THSD7A: variants seen among roughly 807,000 people sequenced by gnomAD.
THSD7A encodes thrombospondin type 1 domain containing 7A, also known as thrombospondin type-1 domain-containing protein 7A.
THSD7A carries 96 observed loss-of-function variants against 231.3 expected under a neutral mutation model. The ratio of observed to expected loss-of-function variants is 0.41; its 90% confidence interval spans 0.35 to 0.49. THSD7A has a LOEUF of 0.49. THSD7A is among the 20% of genes least tolerant of loss of function. The pLI, the probability that THSD7A is intolerant of heterozygous loss-of-function variation, is 0.05. For synonymous variants in THSD7A, 940 were observed against 743.3 expected (o/e 1.26, Z -4.30); for missense variants, 2,290 against 2,070.2 (o/e 1.11, Z -2.06).
At chr7:11,744,082 T>C (rs907176075) in intron 1 of THSD7A, among the ~76,000 whole-genome samples, 21 of 151,886 alleles carry the variant, frequency 1.4e-4, no homozygotes, top group African/African-American at 5.1e-4. Flanking sequence ...TGCCCTGATT[T>C]TTAAGGAACC....
At chr7:11,611,496 T>A (rs1780919655) in intron 2 of THSD7A, among the ~76,000 whole-genome samples, 1 of 151,918 alleles carries the variant, frequency 6.6e-6, no homozygotes, top group Admixed American at 6.6e-5. Context: ...ATTAAATGTT[T>A]ACAAAGTAAT....
At chr7:11,482,876 T>C (rs1288398698) in intron 6 of THSD7A, among the ~76,000 whole-genome samples, 1 of 152,204 alleles carries the variant, frequency 6.6e-6, no homozygotes, top group Non-Finnish European at 1.5e-5. Flanking sequence ...AACAAAACAT[T>C]GTTGCTGTTA....
At chr7:11,749,846 C>T (rs78878632) in intron 1 of THSD7A, among the ~76,000 whole-genome samples, 2 of 152,078 alleles carry the variant, frequency 1.3e-5, no homozygotes, top group East Asian at 3.9e-4. Context: ...CTAGGTGAGA[C>T]AAAATACTCT....
At chr7:11,543,988 C>T (rs997670369) in intron 4 of THSD7A, among the ~76,000 whole-genome samples, 3 of 152,076 alleles carry the variant, frequency 2.0e-5, no homozygotes, top group Admixed American at 6.5e-5. Flanking sequence ...ATCTGTCTAT[C>T]TATCTATATA....
intron 6 of THSD7A, among the ~76,000 whole-genome samples, chr7:11,509,821 C>CAAAAAAAAAAAATAAA (rs1554326843): frequency 2.5e-5 from 1 of 39,974 alleles, no homozygotes; most frequent in African/African-American, 7.2e-5. Context: ...GAGTCCGTCT[C>CAAAAAAAAAAAATAAA]AAAAAAAAAA....
intron 2 of THSD7A, among the ~76,000 whole-genome samples, chr7:11,630,924 C>T (rs918260408): frequency 6.6e-6 from 1 of 152,200 alleles, no homozygotes; most frequent in Non-Finnish European, 1.5e-5. Context: ...ACAGGCTATG[C>T]TTGTTGCAGT....
chr7:11,653,652 C>T (rs1782598221), intron 1 of THSD7A, among the ~76,000 whole-genome samples: 1 of 151,794 alleles, frequency 6.6e-6, no homozygotes, highest in South Asian at 2.1e-4. Flanking sequence ...TGTGTCATTG[C>T]ACCTAGCTTC....
intron 6 of THSD7A, among the ~76,000 whole-genome samples, chr7:11,522,860 C>T (rs1271271715): frequency 6.6e-6 from 1 of 152,036 alleles, no homozygotes. Flanking sequence ...TAAAAATCAA[C>T]AGGTACATAT....
At chr7:11,649,030 T>C (rs1437869110) in intron 1 of THSD7A, among the ~76,000 whole-genome samples, 2 of 152,052 alleles carry the variant, frequency 1.3e-5, no homozygotes, top group Non-Finnish European at 2.9e-5. Flanking sequence ...TGATATTGCA[T>C]GGAGATGACC....
At chr7:11,426,058 T>TAA (rs11342645) in intron 15 of THSD7A, among the ~76,000 whole-genome samples, 6 of 135,844 alleles carry the variant, frequency 4.4e-5, no homozygotes, top group Admixed American at 3.7e-4. Context: ...TAGAGTATAA[T>TAA]AAAAAAAAAA....
In THSD7A at chr7:11,700,304, C is replaced by T. The variant is rs1042197122; in HGVS notation, c.191-63343G>A. 4.0e-5 allele frequency among the ~76,000 whole-genome samples: 6 copies of T among 151,196 alleles called. No individual in the cohort carries two copies. In the East Asian group the frequency reaches 7.9e-4, roughly 20 times the overall value. On this transcript the variant is annotated intron_variant, in intron 1 of 27. Coordinates refer to ENST00000423059, the MANE Select transcript of THSD7A (RefSeq NM_015204.3). The stretch of plus-strand genomic sequence containing the variant: ...ACACTTTTACTCTACAATAATAGTA[C>T]AATAACGTAGTTAAGGGCACTCATC...
chr7:11,691,946 A>AATCAC lies in THSD7A; in HGVS notation c.191-54990_191-54986dup, dbSNP rs1780245542. ...TAATAATTCAAAAATAACATTTAAA[A>AATCAC]ATCACATCCTATCTGTTAGTAAGCA... On this transcript the variant is annotated intron_variant, in intron 1 of 27. Coordinates refer to ENST00000423059, the MANE Select transcript of THSD7A (RefSeq NM_015204.3). Among the ~76,000 whole-genome samples the AATCAC allele has an allele frequency of 2.0e-5, 3 of 151,596 alleles. No individual in the cohort carries two copies. The South Asian group carries it at 6.2e-4, about 31-fold the overall frequency.
chr7:11,805,413 A>G (rs1784374614), intron 1 of THSD7A, among the ~76,000 whole-genome samples: 1 of 151,212 alleles, frequency 6.6e-6, no homozygotes, highest in Admixed American at 6.6e-5. Flanking sequence ...TAATGTTCTC[A>G]GACAAAAACT....
At chr7:11,430,072 T>C (rs2115427403) in intron 13 of THSD7A, among the ~76,000 whole-genome samples, 1 of 152,318 alleles carries the variant, frequency 6.6e-6, no homozygotes. Context: ...ATAGTCTGAA[T>C]GTGGAGAGAA....
At chr7:11,645,714 T>C (rs975562642) in intron 1 of THSD7A, among the ~76,000 whole-genome samples, 4 of 151,962 alleles carry the variant, frequency 2.6e-5, no homozygotes, top group Non-Finnish European at 2.9e-5. Flanking sequence ...TATTGCTATG[T>C]TTTATTTCAT....
At chr7:11,821,260 G>A (rs1416629671) in intron 1 of THSD7A, 5 of 1,105,180 alleles carry the variant, frequency 4.5e-6, no homozygotes, top group African/African-American at 1.5e-5. Context: ...CTGAGACTGA[G>A]CTGACTGTAT....
intron 1 of THSD7A, among the ~76,000 whole-genome samples, chr7:11,761,881 G>C (rs1782874483): frequency 6.6e-6 from 1 of 151,986 alleles, no homozygotes; most frequent in African/African-American, 2.4e-5. Context: ...CCAATAAGTA[G>C]TCTCTTCAAC....
At chr7:11,392,262 G>C (rs988433067) in intron 23 of THSD7A, among the ~76,000 whole-genome samples, 1 of 151,994 alleles carries the variant, frequency 6.6e-6, no homozygotes, top group African/African-American at 2.4e-5. Flanking sequence ...AAGCAGGGTG[G>C]GGTGTTGCCT....
At chr7:11,741,482 G>A (rs908357725) in intron 1 of THSD7A, among the ~76,000 whole-genome samples, 7 of 151,800 alleles carry the variant, frequency 4.6e-5, no homozygotes, top group Admixed American at 4.6e-4. Context: ...TATATGCACT[G>A]AAAAAATAAG....
Sources: allele counts gnomAD v4.1 joint callset (sites outside exome capture counted in the v4.1 genomes callset), GRCh38; gene constraint gnomAD v4.1.1; transcripts MANE v1.5; gene names NCBI Gene and HGNC (gene_info 2026-07-23, HGNC 2026-07-21).